Variants in TRPC5 observed in about 807,000 individuals in gnomAD.
The protein encoded by TRPC5 is transient receptor potential cation channel subfamily C member 5.
A neutral mutation model predicts 56.5 loss-of-function variants in TRPC5; 9 were observed. That is an observed-to-expected ratio of 0.16 (90% CI 0.10 to 0.28). The LOEUF (loss-of-function observed/expected upper bound fraction) is 0.28. Ranked by LOEUF, TRPC5 falls within the 10% of genes least tolerant of loss-of-function variation. The pLI is 1.00. For synonymous variants in TRPC5, 282 were observed against 278.5 expected, an observed-to-expected ratio of 1.01 and a Z score of -0.13; for missense variants, 469 against 748.9, an observed-to-expected ratio of 0.63 and a Z score of 4.36.
chrX:111,835,660 C>T (rs1002450346), intron 6 of TRPC5, among the ~76,000 whole-genome samples: 11 of 111,247 alleles, frequency 9.9e-5, no homozygotes, highest in Non-Finnish European at 1.5e-4. Context: ...TGGTGGCGGG[C>T]GCCTGTAGTC....
chrX:111,929,211 G>A (rs955937209), intron 2 of TRPC5, among the ~76,000 whole-genome samples: 2 of 112,057 alleles, frequency 1.8e-5, no homozygotes, highest in African/African-American at 6.5e-5. Context: ...AGGTATGCAA[G>A]GAGGAGCCCT....
In TRPC5 at chrX:111,909,148, T is replaced by A. The variant is rs868037401; in HGVS notation, c.900+3143A>T. 7.4e-3 allele frequency among the ~76,000 whole-genome samples: 362 copies of A among 48,953 alleles called. 3 individuals are homozygous for A. Among genetic ancestry groups the A allele is most frequent in the Middle Eastern group, 0.057 (4 of 70 alleles). The allele number at this position is 48,953 out of a possible 115,157, so 42.5% of individuals were successfully genotyped here. On this transcript the variant is annotated intron_variant, in intron 3 of 10. Transcript: ENST00000262839. ...AAAATAAATAAATAAATAAATAAAT[T>A]AATTAAAAAAAAAAAAAAAAAAAAA...
rs768623557 is a variant in TRPC5, at chrX:111,963,388, C to T, written c.-21-10947G>A. Among the ~76,000 whole-genome samples the T allele has an allele frequency of 3.6e-5, 4 of 112,477 alleles. No individual in the cohort carries two copies. The East Asian group carries it at 8.5e-4, about 24-fold the overall frequency. On this transcript the variant is annotated intron_variant, in intron 1 of 10. Transcript: ENST00000262839. ...GGCCTTCCTGCCTCTGTAGGCTCCACCTCTGGGGGCAGGGCACAGACAAAC... is the reference window on the plus strand; with the variant it reads ...GGCCTTCCTGCCTCTGTAGGCTCCATCTCTGGGGGCAGGGCACAGACAAAC...
chrX:111,817,753 T>C (rs1921906120), intron 7 of TRPC5, among the ~76,000 whole-genome samples: 1 of 111,643 alleles, frequency 9.0e-6, no homozygotes, highest in African/African-American at 3.3e-5. Context: ...GTCACAGATC[T>C]AGTCAATGAT....
chrX:112,027,885 C>A (rs1231915625), intron 1 of TRPC5, among the ~76,000 whole-genome samples: 1 of 112,141 alleles, frequency 8.9e-6, no homozygotes, highest in South Asian at 3.7e-4. Context: ...CTATTATATA[C>A]TTATGATATT....
At chrX:111,849,769 T>C (rs766347070) in intron 5 of TRPC5, among the ~76,000 whole-genome samples, 32 of 112,111 alleles carry the variant, frequency 2.9e-4, no homozygotes, top group African/African-American at 9.7e-4. Flanking sequence ...ACTGATCTAG[T>C]TTAACCTACT....
chrX:111,778,920 A>G, intron 10 of TRPC5, 65 bp downstream of exon 10: 1 of 818,120 alleles, frequency 1.2e-6, no homozygotes, highest in Non-Finnish European at 1.8e-6. Context: ...GAAACCTCAC[A>G]CACTGTGAAG....
chrX:112,015,743 C>G, intron 1 of TRPC5, among the ~76,000 whole-genome samples: 1 of 110,881 alleles, frequency 9.0e-6, no homozygotes, highest in Non-Finnish European at 1.9e-5. Context: ...ATCAAAGTTA[C>G]CAAGTATCCA....
intron 7 of TRPC5, 97 bp from the exon 8 acceptor site, chrX:111,782,235 A>G (rs768551803): frequency 1.0e-5 from 7 of 694,056 alleles, no homozygotes; most frequent in Non-Finnish European, 1.5e-5. Flanking sequence ...ATAGAGGGCA[A>G]TATGTCAAGA....
At chrX:111,862,939 C>G (rs1268155200) in intron 3 of TRPC5, among the ~76,000 whole-genome samples, 2 of 111,795 alleles carry the variant, frequency 1.8e-5, no homozygotes, top group Non-Finnish European at 3.8e-5. Flanking sequence ...GTTTTTAATG[C>G]TACTGTAAAT....
At chrX:111,993,073 C>T (rs1928408800) in intron 1 of TRPC5, among the ~76,000 whole-genome samples, 1 of 100,683 alleles carries the variant, frequency 9.9e-6, no homozygotes, top group African/African-American at 3.7e-5. Context: ...CCTGACAGGC[C>T]CCGGCGTGTG....
At chrX:112,081,551 C>G (rs1207509225) in intron 1 of TRPC5, among the ~76,000 whole-genome samples, 2 of 111,328 alleles carry the variant, frequency 1.8e-5, no homozygotes. Context: ...ATCTTAAAAT[C>G]TACCCAAGAA....
chrX:111,812,924 G>C (rs1029204132), intron 7 of TRPC5, among the ~76,000 whole-genome samples: 2 of 112,275 alleles, frequency 1.8e-5, no homozygotes, highest in African/African-American at 6.5e-5. Flanking sequence ...ATGTGCTTTT[G>C]TAATCATACT....
intron 3 of TRPC5, among the ~76,000 whole-genome samples, chrX:111,880,761 T>G (rs967246228): frequency 1.8e-5 from 2 of 112,310 alleles, no homozygotes; most frequent in Non-Finnish European, 3.8e-5. Context: ...TTGGAACCAA[T>G]TACCAGTCTT....
At chrX:111,779,577 A>C (rs1261985066) in intron 9 of TRPC5, among the ~76,000 whole-genome samples, 1 of 112,220 alleles carries the variant, frequency 8.9e-6, no homozygotes, top group African/African-American at 3.2e-5. Context: ...GGAATGGTCT[A>C]CACATGGTCA....
chrX:112,008,801 T>G (rs190903044), intron 1 of TRPC5, among the ~76,000 whole-genome samples: 1 of 111,530 alleles, frequency 9.0e-6, no homozygotes, highest in East Asian at 2.8e-4. Context: ...TAACAGTGCC[T>G]GGCACATATC....
chrX:111,956,757 C>A (rs1927246382), intron 1 of TRPC5, among the ~76,000 whole-genome samples: 1 of 111,583 alleles, frequency 9.0e-6, no homozygotes, highest in African/African-American at 3.3e-5. Context: ...ACTCCAAAGT[C>A]CATCTAGAAT....
At chrX:111,856,739 G>A (rs958288057) in intron 3 of TRPC5, among the ~76,000 whole-genome samples, 41 of 102,778 alleles carry the variant, frequency 4.0e-4, no homozygotes, top group Non-Finnish European at 6.9e-4. Context: ...TCACTTGAGG[G>A]CAGAAGGTGG....
At chrX:111,906,255 T>C (rs1169002166) in intron 3 of TRPC5, among the ~76,000 whole-genome samples, 1 of 108,633 alleles carries the variant, frequency 9.2e-6, no homozygotes, top group Non-Finnish European at 1.9e-5. Context: ...CTCAGGAGGC[T>C]GAGGCATGAG....
Sources: allele counts gnomAD v4.1 joint callset (sites outside exome capture counted in the v4.1 genomes callset), GRCh38; gene constraint gnomAD v4.1.1; transcripts MANE v1.5; gene names NCBI Gene and HGNC (gene_info 2026-07-23, HGNC 2026-07-21).